The following ATP1A3 variants were observed in gnomAD, a reference collection of about 807,000 sequenced individuals.
ATP1A3 encodes the protein sodium/potassium-transporting ATPase subunit alpha-3.
ATP1A3 carries 12 observed loss-of-function variants against 108.8 expected under a neutral mutation model. That is an observed-to-expected ratio of 0.11 (90% CI 0.07 to 0.18). The LOEUF (loss-of-function observed/expected upper bound fraction) is 0.18, where lower values mean the gene tolerates loss of function less well. Ranked by LOEUF, ATP1A3 falls within the 10% of genes least tolerant of loss-of-function variation. The probability of loss-of-function intolerance (pLI) is 1.00; values close to 1 mark genes in which losing one functional copy is unlikely to be tolerated. For missense variants in ATP1A3, 498 were observed against 1,387.7 expected (o/e 0.36, Z 10.19); for synonymous variants, 539 against 564.5 (o/e 0.95, Z 0.64).
chr19:41,984,040 C>T (rs2075262496), intron 8 of ATP1A3, among the ~76,000 whole-genome samples: 1 of 151,300 alleles, frequency 6.6e-6, no homozygotes, highest in Non-Finnish European at 1.5e-5. Flanking sequence ...CTCCCAAAGT[C>T]TTGGGACTAC....
intron 14 of ATP1A3, among the ~76,000 whole-genome samples, chr19:41,977,222 G>T (rs1243439866): frequency 1.3e-5 from 2 of 152,094 alleles, no homozygotes; most frequent in Non-Finnish European, 2.9e-5. Context: ...GAACAGAAAA[G>T]AGAGACAATG....
Position 41,994,178 on chromosome 19 carries a change from C to T in ATP1A3, c.-102G>A. On this transcript the variant is annotated 5_prime_UTR_variant, in exon 1 of 23. Transcript: ENST00000648268. ...GGGAGCCTCTGCAGCGCCCGCGCCT[C>T]GGTAGGTGCGCGCGTCCGTCCGTCC... 1.7e-6 allele frequency: 2 copies of T among 1,159,858 alleles called. No homozygotes were observed. The highest frequency in any genetic ancestry group is 3.3e-5 in the Admixed American group (1 of 30,120). 71.8% of individuals were successfully genotyped at this position (1,159,858 alleles called of 1,614,324 possible). A position where few individuals can be genotyped will look rare whatever the true frequency, so the allele number is the denominator to read the frequency against.
Position 41,978,939 on chromosome 19 carries a change from C to G in ATP1A3, c.1438-141G>C. 1 of 678,776 alleles carries G rather than the reference C, an allele frequency of 1.5e-6. No homozygotes were observed. Among genetic ancestry groups the G allele is most frequent in the South Asian group, 1.8e-5 (1 of 55,054 alleles). The allele number at this position is 678,776 out of a possible 1,614,324, so 42.0% of individuals were successfully genotyped here. On this transcript the variant is annotated intron_variant, in intron 11 of 22. Transcript: ENST00000648268. This position sits in a 1 kb window ranked among gnomAD's most constrained non-coding sequence, Gnocchi z 8.3. ...CCCCCACACTCTCTCACAGAGACCT[C>G]TGCTCATTCCTGTCCGCTCTGTCTA...
chr19:41,984,726 T>C (rs1185291976), intron 8 of ATP1A3, 192 bp downstream of exon 8: 8 of 642,460 alleles, frequency 1.2e-5, no homozygotes, highest in Non-Finnish European at 2.1e-5. Context: ...AATACTGTGA[T>C]CCAGGCCCCC....
intron 4 of ATP1A3, chr19:41,986,522 A>G (rs1441326661): frequency 5.8e-6 from 2 of 345,480 alleles, no homozygotes; most frequent in African/African-American, 4.3e-5. Context: ...GGCTCACTGC[A>G]ATCTCCGCCT....
intron 8 of ATP1A3, 22 bp from the exon 9 acceptor site, chr19:41,982,128 G>A (rs372241191): frequency 2.7e-5 from 43 of 1,613,950 alleles, no homozygotes; most frequent in Middle Eastern, 1.7e-4. Flanking sequence ...GCAAGGGCAG[G>A]CAAGTTACAG....
At chr19:41,982,939 C>T (rs2075249328) in intron 8 of ATP1A3, among the ~76,000 whole-genome samples, 1 of 152,200 alleles carries the variant, frequency 6.6e-6, no homozygotes, top group Admixed American at 6.6e-5. Context: ...CAGGGAGACG[C>T]AGTCTCGTTG....
At chr19:41,982,580 C>T (rs1476938058) in intron 8 of ATP1A3, among the ~76,000 whole-genome samples, 1 of 151,464 alleles carries the variant, frequency 6.6e-6, no homozygotes, top group Non-Finnish European at 1.5e-5. Context: ...GATCCGAAAT[C>T]GTGACACTGC....
intron 15 of ATP1A3, among the ~76,000 whole-genome samples, chr19:41,976,211 C>T (rs530651850): frequency 1.4e-5 from 2 of 143,852 alleles, no homozygotes; most frequent in South Asian, 4.6e-4. Flanking sequence ...GAAGTCCAGG[C>T]CCCCTCCCTC....
intron 1 of ATP1A3, among the ~76,000 whole-genome samples, chr19:41,990,046 C>T (rs1265328089): frequency 2.0e-5 from 3 of 152,010 alleles, no homozygotes; most frequent in Admixed American, 6.6e-5. Flanking sequence ...TCTGAGTTGG[C>T]GTCTCAAGGA....
rs1273947880 is a variant in ATP1A3 at position 41,988,884 on chromosome 19, T to A, written c.7-322A>T. 1.3e-5 allele frequency among the ~76,000 whole-genome samples: 2 copies of A among 152,172 alleles called. No homozygotes were observed. Among genetic ancestry groups the A allele is most frequent in the Non-Finnish European group, 2.9e-5 (2 of 68,034 alleles). ...TCTGGCTTCTGCCTGTGTTTCAGTCTCTCTCTGTTTCTGTGCCCATCTTTG... is the reference window on the plus strand; with the variant it reads ...TCTGGCTTCTGCCTGTGTTTCAGTCACTCTCTGTTTCTGTGCCCATCTTTG... On this transcript the variant is annotated intron_variant, in intron 1 of 22. Transcript: ENST00000648268. This position sits in a 1 kb window ranked among gnomAD's most constrained non-coding sequence, Gnocchi z 5.3.
At chr19:41,984,782 C>A (rs1555864673) in intron 8 of ATP1A3, 136 bp downstream of exon 8, 1 of 1,078,436 alleles carries the variant, frequency 9.3e-7, no homozygotes, top group African/African-American at 1.6e-5. Context: ...CCCCTCCTCC[C>A]CCAGACACAC....
rs1015811125 is a variant in ATP1A3 at position 41,966,868 on chromosome 19, G to T, written c.*69C>A. 2 of 1,549,798 alleles carry T rather than the reference G, an allele frequency of 1.3e-6. No individual in the cohort carries two copies. The highest frequency in any genetic ancestry group is 2.4e-5 in the East Asian group (1 of 40,902). On this transcript the variant is annotated 3_prime_UTR_variant, in exon 23 of 23. Coordinates refer to ENST00000648268, the MANE Select transcript of ATP1A3 (RefSeq NM_152296.5). ...CTCCTCCCCCCAGAATACAAAATTG[G>T]GGGGACTGACAGGGGCGGTCCTGGG... is the stretch of plus-strand genomic sequence containing the variant.
At chr19:41,972,871 A>T (rs8106625) in intron 16 of ATP1A3, among the ~76,000 whole-genome samples, 2 of 133,310 alleles carry the variant, frequency 1.5e-5, no homozygotes, top group Non-Finnish European at 1.6e-5. Flanking sequence ...AGAAGGAAGG[A>T]AGGCAGGCAG....
chr19:41,992,903 C>G, intron 1 of ATP1A3: 1 of 160,936 alleles, frequency 6.2e-6, no homozygotes, highest in Non-Finnish European at 1.4e-5. Context: ...CCATCCACAG[C>G]TTCCCTCCCT....
Position 41,994,204 on chromosome 19 carries a change from G to GTCCT in ATP1A3, c.-129_-128insAGGA. 1.2e-6 allele frequency: 1 copy of GTCCT among 866,506 alleles called. No homozygotes were observed. The highest frequency in any genetic ancestry group is 1.6e-6 in the Non-Finnish European group (1 of 610,346). 53.7% of individuals were successfully genotyped at this position (866,506 alleles called of 1,614,324 possible). ...GGTAGGTGCGCGCGTCCGTCCGTCC[G>GTCCT]TCCGTTGGTCCCACCGCACAGAGGC... On this transcript the variant is annotated 5_prime_UTR_variant, in exon 1 of 23. Coordinates refer to ENST00000648268, the MANE Select transcript of ATP1A3 (RefSeq NM_152296.5).
At chr19:41,980,985 T>A (rs1293460325) in intron 11 of ATP1A3, among the ~76,000 whole-genome samples, 2 of 150,750 alleles carry the variant, frequency 1.3e-5, no homozygotes, top group Non-Finnish European at 2.9e-5. Context: ...GTTCCCACTC[T>A]CTGCTGTAGG....
Position 41,975,804 on chromosome 19 carries a change from GGAGA to G in ATP1A3, c.2095-11_2095-8del. On this transcript the variant is annotated splice_polypyrimidine_tract_variant and splice_region_variant and intron_variant, in intron 15 of 22. Coordinates refer to ENST00000648268, the MANE Select transcript of ATP1A3 (RefSeq NM_152296.5). ...TCACAGCCACAATTGCACCCTGGAGGGAGAGAGGGTAAGGATGACACCCAGAGGC... is the reference window on the plus strand; with the variant it reads ...TCACAGCCACAATTGCACCCTGGAGGGAGGGTAAGGATGACACCCAGAGGC... 6.2e-7 allele frequency: 1 copy of G among 1,613,996 alleles called. No individual in the cohort carries two copies. The highest frequency in any genetic ancestry group is 8.5e-7 in the Non-Finnish European group (1 of 1,179,960).
Position 41,985,468 on chromosome 19 carries a change from G to T in ATP1A3, c.607-45C>A. ...AGAGAGGGTTCAGTCCAGGGCCTGGGACAGGAGGGTATTTGTGTACAGGGC... is the reference window on the plus strand; with the variant it reads ...AGAGAGGGTTCAGTCCAGGGCCTGGTACAGGAGGGTATTTGTGTACAGGGC... On this transcript the variant is annotated intron_variant, in intron 6 of 22. Coordinates refer to ENST00000648268, the MANE Select transcript of ATP1A3 (RefSeq NM_152296.5). The surrounding 1 kb of genome is among the most constrained non-coding windows in gnomAD (Gnocchi z 8.2). 1.3e-6 allele frequency: 2 copies of T among 1,550,250 alleles called. No homozygotes were observed. Among genetic ancestry groups the T allele is most frequent in the South Asian group, 1.1e-5 (1 of 89,652 alleles).
Sources: gnomAD v4.1 joint callset for allele counts (sites outside exome capture counted in the v4.1 genomes callset) on GRCh38, gnomAD v4.1.1 for gene constraint, Gnocchi (gnomAD v3.1) non-coding constraint, MANE v1.5 for transcripts, NCBI Gene and HGNC (gene_info 2026-07-23, HGNC 2026-07-21) for gene names.